The following TIAM2 variants were observed in gnomAD, a reference collection of about 807,000 sequenced individuals.
TIAM2 encodes the protein rho guanine nucleotide exchange factor TIAM2.
In TIAM2, 80 loss-of-function variants were observed where a neutral mutation model predicts 152.9. The ratio of observed to expected loss-of-function variants is 0.52; its 90% CI spans 0.44 to 0.63. The LOEUF (loss-of-function observed/expected upper bound fraction) is 0.63. Ranked by LOEUF, TIAM2 falls within the 30% of genes least tolerant of loss-of-function variation. TIAM2 has a pLI of 0.00. For missense variants in TIAM2, 1,965 were observed against 2,120.1 expected (o/e 0.93, Z 1.44); for synonymous variants, 804 against 838.0 (o/e 0.96, Z 0.70).
rs73575661 is a variant in TIAM2 at position 155,159,028 on chromosome 6, A to G, written c.2029-5387A>G. Among the ~76,000 whole-genome samples the G allele has an allele frequency of 8.2e-3, 1,248 of 152,150 alleles. 21 individuals carry two copies. Among genetic ancestry groups the G allele is most frequent in the African/African-American group, 0.028 (1,168 of 41,486 alleles). On this transcript the variant is annotated intron_variant, in intron 7 of 26. Coordinates refer to ENST00000682666, the MANE Select transcript of TIAM2 (RefSeq NM_012454.4). The stretch of plus-strand genomic sequence containing the variant: ...TCATTGAACTGTACTGAATCTCTAA[A>G]CTAACATACATAATAGCTAAAAGAT...
intron 1 of TIAM2, among the ~76,000 whole-genome samples, chr6:155,023,949 A>G (rs1247457293): frequency 6.6e-6 from 1 of 152,136 alleles, no homozygotes; most frequent in Non-Finnish European, 1.5e-5. Context: ...CATCTTCTTG[A>G]CATCATAGGA....
intron 1 of TIAM2, among the ~76,000 whole-genome samples, chr6:155,015,795 G>A (rs146642340): frequency 5.3e-5 from 8 of 151,878 alleles, no homozygotes; most frequent in Admixed American, 1.3e-4. Context: ...GAATTAGCTG[G>A]GCATGGTGGT....
Position 155,127,605 on chromosome 6 carries a change from A to ATTT in TIAM2, c.-7+5_-7+6insTTT, listed in dbSNP as rs1322299714. 2 of 455,908 alleles carry ATTT rather than the reference A, an allele frequency of 4.4e-6. No homozygotes were observed. The allele number at this position is 455,908 out of a possible 1,614,324, so 28.2% of individuals were successfully genotyped here. A position where few individuals can be genotyped will look rare whatever the true frequency, so the allele number is the denominator to read the frequency against. ...ACAGCAGAAACTAGACGTCAGGTAA[A>ATTT]CCCAACCCTTGTGCCTGGGGGTCAC... On this transcript the variant is annotated splice_donor_region_variant and intron_variant, in intron 3 of 26. Transcript: ENST00000682666.
At position 155,183,428 on chromosome 6, in the gene TIAM2, C is replaced by T; in HGVS notation, c.2992C>T (p.Leu998=). 1 of 1,614,178 alleles carries T rather than the reference C, an allele frequency of 6.2e-7. No homozygotes were observed. Among genetic ancestry groups the T allele is most frequent in the Non-Finnish European group, 8.5e-7 (1 of 1,180,034 alleles). ...SDLFSRDQKS[L]LPPPNQSQLL... The stretch of plus-strand genomic sequence containing the variant: ...CCTGTTCTCCAGGGACCAGAAGAGT[C>T]TGCTGCCCCCTCCTAACCAGTCCCA... Residue 998 remains leucine, a synonymous_variant, in exon 14 of 27, where the codon CTG becomes TTG. Transcript: ENST00000682666.
In TIAM2 at chr6:155,240,721, G is replaced by A. The variant is rs771999403; in HGVS notation, c.3348+12G>A. 1.9e-6 allele frequency: 3 copies of A among 1,603,654 alleles called. No individual in the cohort carries two copies. Among genetic ancestry groups the A allele is most frequent in the Non-Finnish European group, 2.6e-6 (3 of 1,175,528 alleles). ...AGTCCTACGTGAAGGTAAGGGAAGA[G>A]CTGGCATTTATGCATTCGTGCCTCT... is the stretch of plus-strand genomic sequence containing the variant. On this transcript the variant is annotated intron_variant, in intron 16 of 26. Transcript: ENST00000682666.
At chr6:155,002,557 A>G (rs1778330508) in intron 1 of TIAM2, among the ~76,000 whole-genome samples, 1 of 152,180 alleles carries the variant, frequency 6.6e-6, no homozygotes, top group African/African-American at 2.4e-5. Flanking sequence ...GGAGACCCAG[A>G]AAAGCCTTCC....
At chr6:155,246,142 G>A in intron 19 of TIAM2, among the ~76,000 whole-genome samples, 1 of 151,794 alleles carries the variant, frequency 6.6e-6, no homozygotes, top group East Asian at 1.9e-4. Flanking sequence ...CTCACAAGAA[G>A]TGTGTCAGCT....
chr6:155,034,684 TC>T (rs753797921), intron 1 of TIAM2, among the ~76,000 whole-genome samples: 1 of 152,218 alleles, frequency 6.6e-6, no homozygotes, highest in Non-Finnish European at 1.5e-5. Flanking sequence ...AGCTCCTGCC[TC>T]AGAGCATGTG....
chr6:155,137,356 T>G lies in TIAM2; in HGVS notation c.1374T>G (p.Ile458Met). The G allele has an allele frequency of 6.2e-7, 1 of 1,614,194 alleles. No individual in the cohort carries two copies. Among genetic ancestry groups the G allele is most frequent in the Non-Finnish European group, 8.5e-7 (1 of 1,180,034 alleles). Residue 458 changes from isoleucine (I) to methionine (M), a missense_variant, in exon 5 of 27, where the codon ATT (isoleucine) becomes ATG (methionine). Transcript: ENST00000682666. Reference protein sequence around the residue: ...AIGSDPLRQNIYENFMRELEM... With the variant: ...AIGSDPLRQNMYENFMRELEM... ...GCAGCGATCCCCTCCGGCAGAACAT[T>G]TATGAGAATTTCATGCGAGAGTTGG...
chr6:155,189,465 A>G (rs1781136105), intron 14 of TIAM2, among the ~76,000 whole-genome samples: 1 of 152,086 alleles, frequency 6.6e-6, no homozygotes, highest in Non-Finnish European at 1.5e-5. Context: ...GATCGGTTTC[A>G]TTTCCACCAG....
intron 14 of TIAM2, among the ~76,000 whole-genome samples, chr6:155,198,666 C>CAAAAAAAAAAAAAAAAAAAAAA (rs10626644): frequency 2.8e-5 from 2 of 70,360 alleles, no homozygotes; most frequent in African/African-American, 6.7e-5. Flanking sequence ...GAGCAAATCT[C>CAAAAAAAAAAAAAAAAAAAAAA]AAAAAAAAAA....
intron 9 of TIAM2, among the ~76,000 whole-genome samples, chr6:155,167,223 A>AT (rs111318391): frequency 0.31 from 46,440 of 151,240 alleles, 9,737 homozygotes; most frequent in African/African-American, 0.6. Flanking sequence ...CTTGTAATTA[A>AT]TTTTTTTTTC....
Position 155,130,344 on chromosome 6 carries a change from A to G in TIAM2, c.1121A>G (p.Asp374Gly). The stretch of plus-strand genomic sequence containing the variant: ...TTTGTTGAGGATACTGCGAAGAAGG[A>G]CTCCCTCAAAGCCAGGATGCGACGG... ...KAFVEDTAKK[D>G]SLKARMRRIS... Residue 374 changes from aspartate (D) to glycine (G), a missense_variant, in exon 4 of 27, where the codon GAC becomes GGC. Physicochemically the swap from Asp to Gly is moderately conservative, Grantham distance 94 (BLOSUM62 -1). Around this residue, in one of 3 missense-constraint regions of TIAM2, gnomAD observed 1,025 missense variants for 1,119.4 expected, o/e 0.92. Transcript: ENST00000682666. The G allele has an allele frequency of 6.2e-7, 1 of 1,613,808 alleles. No homozygotes were observed. The highest frequency in any genetic ancestry group is 2.2e-5 in the East Asian group (1 of 44,870).
chr6:155,098,787 C>T (rs1343604879), intron 2 of TIAM2, among the ~76,000 whole-genome samples: 1 of 152,178 alleles, frequency 6.6e-6, no homozygotes, highest in African/African-American at 2.4e-5. Flanking sequence ...AGTTTTAAAT[C>T]CACATTTTTA....
At chr6:155,040,213 G>C (rs1405875624) in intron 1 of TIAM2, among the ~76,000 whole-genome samples, 3 of 152,090 alleles carry the variant, frequency 2.0e-5, no homozygotes, top group South Asian at 2.1e-4. Flanking sequence ...CCCCCTCTCT[G>C]ATTAGTCTTC....
chr6:155,129,196 G>T lies in TIAM2; in HGVS notation c.-6-22G>T. 1 of 1,600,274 alleles carries T rather than the reference G, an allele frequency of 6.2e-7. No individual in the cohort carries two copies. The highest frequency in any genetic ancestry group is 1.1e-5 in the South Asian group (1 of 90,440). ...ATGTAATTTAGGCCACGGTCTTACTGATGCAACTGTTCTTAATTTAGGTTA... is the reference window on the plus strand; with the variant it reads ...ATGTAATTTAGGCCACGGTCTTACTTATGCAACTGTTCTTAATTTAGGTTA... On this transcript the variant is annotated intron_variant, in intron 3 of 26. Transcript: ENST00000682666. The surrounding 1 kb of genome is among the most constrained non-coding windows in gnomAD (Gnocchi z 4.8).
In TIAM2 at chr6:155,256,837, GAGC is replaced by G. The variant is rs547753219; in HGVS notation, c.4829_4831del (p.Gln1610del). On this transcript the variant is annotated inframe_deletion, in exon 27 of 27. Transcript: ENST00000682666. ...GGACCCAGACGTTCACCCCGAGGCT[GAGC>G]AGCAGCCTGGCCCGGAGTCGGGTGA... 2.0e-4 allele frequency: 316 copies of G among 1,614,228 alleles called. 1 individual carries two copies. The African/African-American group carries it at 3.8e-3, about 20-fold the overall frequency.
chr6:155,236,695 T>C (rs973822567), intron 15 of TIAM2, among the ~76,000 whole-genome samples: 4 of 152,114 alleles, frequency 2.6e-5, no homozygotes, highest in Non-Finnish European at 5.9e-5. Flanking sequence ...AGTCATATCT[T>C]ACGTGGATGG....
intron 1 of TIAM2, among the ~76,000 whole-genome samples, chr6:155,003,889 G>A (rs1283966843): frequency 1.3e-5 from 2 of 152,076 alleles, no homozygotes; most frequent in African/African-American, 4.8e-5. Flanking sequence ...GCTGAGGCAG[G>A]GAGAATCACC....
Sources: allele counts gnomAD v4.1 joint callset (sites outside exome capture counted in the v4.1 genomes callset), GRCh38; gene constraint gnomAD v4.1.1; regional missense constraint gnomAD v4.1.1; non-coding constraint Gnocchi (gnomAD v3.1); transcripts MANE v1.5; gene names NCBI Gene and HGNC (gene_info 2026-07-23, HGNC 2026-07-21).